Variants in B3GAT1 observed in about 807,000 individuals in gnomAD.
The protein encoded by B3GAT1 is galactosylgalactosylxylosylprotein 3-beta-glucuronosyltransferase 1.
B3GAT1 carries 11 observed loss-of-function variants against 28.4 expected under a neutral mutation model. The ratio of observed to expected loss-of-function variants is 0.39; its 90% CI spans 0.24 to 0.64. The LOEUF (loss-of-function observed/expected upper bound fraction) is 0.64, where lower values mean the gene tolerates loss of function less well. B3GAT1 is among the 30% of genes least tolerant of loss of function. B3GAT1 has a pLI of 0.50. For synonymous variants in B3GAT1, 255 were observed against 223.1 expected, an observed-to-expected ratio of 1.14 and a Z score of -1.27; for missense variants, 375 against 491.0, an observed-to-expected ratio of 0.76 and a Z score of 2.23.
At position 134,412,106 on chromosome 11, in the gene B3GAT1, G is replaced by GGGGGAGCGGGGAGGGGGAGC. The variant is rs1555100163; in HGVS notation, c.-601_-582dup. ...GGAGGCGGGGGGCGGGGGGCGGGGA[G>GGGGGAGCGGGGAGGGGGAGC]GGGGAGCGGGGAGGGGGAGCGGGGA... On this transcript the variant is annotated 5_prime_UTR_variant, in exon 1 of 6. Transcript: ENST00000312527. Among the ~76,000 whole-genome samples, 11 of 138,062 alleles carry GGGGGAGCGGGGAGGGGGAGC rather than the reference G, an allele frequency of 8.0e-5. No individual in the cohort carries two copies. The East Asian group carries it at 1.3e-3, about 16-fold the overall frequency. 90.6% of individuals were successfully genotyped at this position (138,062 alleles called of 152,430 possible). A position where few individuals can be genotyped will look rare whatever the true frequency, so the allele number is the denominator to read the frequency against.
At chr11:134,391,524 C>G (rs892114149) in intron 1 of B3GAT1, 4 of 152,310 alleles carry the variant, frequency 2.6e-5, no homozygotes, top group African/African-American at 7.2e-5. Context: ...TAACAAGGAC[C>G]CCAGAATGGC....
chr11:134,382,658 G>A, intron 4 of B3GAT1, 52 bp downstream of exon 4: 1 of 1,575,148 alleles, frequency 6.3e-7, no homozygotes, highest in Non-Finnish European at 8.7e-7. Context: ...GGGAGGGTCT[G>A]GATGTACTTG....
At chr11:134,383,074 G>C (rs1944173974) in intron 3 of B3GAT1, 68 bp from the exon 4 acceptor site, 13 of 1,456,836 alleles carry the variant, frequency 8.9e-6, no homozygotes, top group Non-Finnish European at 1.1e-5. Context: ...GTGCCCAAGG[G>C]AGGCGACATC....
chr11:134,409,948 G>C (rs537015995), intron 1 of B3GAT1: 4 of 152,644 alleles, frequency 2.6e-5, no homozygotes, highest in African/African-American at 9.7e-5. Context: ...TCAGCCTTTC[G>C]GTTGGTGCAT....
chr11:134,410,888 A>G (rs955245904), intron 1 of B3GAT1, among the ~76,000 whole-genome samples: 6 of 152,206 alleles, frequency 3.9e-5, no homozygotes, highest in African/African-American at 1.4e-4. Flanking sequence ...CACCCCACCT[A>G]TGCAGGTGCC....
At chr11:134,388,676 A>G (rs958610683) in intron 1 of B3GAT1, 3 of 152,188 alleles carry the variant, frequency 2.0e-5, no homozygotes, top group African/African-American at 7.2e-5. Flanking sequence ...CCCAGTGTTT[A>G]GCTCTCACTC....
At chr11:134,394,103 C>T (rs1213924203) in intron 1 of B3GAT1, among the ~76,000 whole-genome samples, 1 of 152,206 alleles carries the variant, frequency 6.6e-6, no homozygotes, top group Admixed American at 6.5e-5. Context: ...AGGACACAGG[C>T]ACTGACCTCA....
At chr11:134,381,883 C>CG (rs1944132108) in intron 5 of B3GAT1, 41 bp downstream of exon 5, 1 of 1,509,406 alleles carries the variant, frequency 6.6e-7, no homozygotes, top group African/African-American at 1.4e-5. Flanking sequence ...AACCTGGTGC[C>CG]GCCCTGCCCA....
rs1944088400 is a variant in B3GAT1 at position 134,380,013 on chromosome 11, T to G, written c.*749A>C. 1.3e-5 allele frequency: 2 copies of G among 152,794 alleles called. No homozygotes were observed. Among genetic ancestry groups the G allele is most frequent in the African/African-American group, 4.8e-5 (2 of 41,432 alleles). The allele number at this position is 152,794 out of a possible 1,614,324, so 9.5% of individuals were successfully genotyped here. ...GTGCTGGCTCTAGAGCCTACCCCTT[T>G]GCCACTGCTGGAGGAGAAGGGGTAA... On this transcript the variant is annotated 3_prime_UTR_variant, in exon 6 of 6. Coordinates refer to ENST00000312527, the MANE Select transcript of B3GAT1 (RefSeq NM_054025.3).
In B3GAT1 at chr11:134,404,831, A is replaced by G. The variant is rs182392484; in HGVS notation, c.-282+6976T>C. Among the ~76,000 whole-genome samples, 211 of 152,356 alleles carry G rather than the reference A, an allele frequency of 1.4e-3. 2 individuals carry two copies. The highest frequency in any genetic ancestry group is 6.1e-3 in the Admixed American group (93 of 15,310). ...TAATATCGACAGGCGATGAGTTAGG[A>G]GAGTAATACTTCAGCTACCACGCAG... On this transcript the variant is annotated intron_variant, in intron 1 of 5. Transcript: ENST00000312527.
chr11:134,391,974 G>A (rs1056399348), intron 1 of B3GAT1: 2 of 152,302 alleles, frequency 1.3e-5, no homozygotes, highest in African/African-American at 4.8e-5. Flanking sequence ...GTGTCCGGCA[G>A]GTGCTCCACG....
chr11:134,401,120 G>T (rs1472756866), intron 1 of B3GAT1, among the ~76,000 whole-genome samples: 1 of 152,196 alleles, frequency 6.6e-6, no homozygotes, highest in African/African-American at 2.4e-5. Context: ...TGGAGAAAAG[G>T]GAACACTCGT....
At chr11:134,400,330 G>T (rs1397668554) in intron 1 of B3GAT1, among the ~76,000 whole-genome samples, 1 of 152,218 alleles carries the variant, frequency 6.6e-6, no homozygotes, top group Non-Finnish European at 1.5e-5. Context: ...CCAGGGCCCA[G>T]AGCCCAACCC....
chr11:134,410,347 A>G (rs1314966706), intron 1 of B3GAT1, among the ~76,000 whole-genome samples: 1 of 152,230 alleles, frequency 6.6e-6, no homozygotes, highest in Non-Finnish European at 1.5e-5. Context: ...AAACAGGAAC[A>G]GCGAGCTCCT....
At chr11:134,401,915 C>A (rs1386992214) in intron 1 of B3GAT1, among the ~76,000 whole-genome samples, 1 of 133,604 alleles carries the variant, frequency 7.5e-6, no homozygotes, top group African/African-American at 2.9e-5. Flanking sequence ...GGCTTGAGCT[C>A]AATGGAAACT....
chr11:134,387,214 C>T, intron 2 of B3GAT1: 2 of 299,668 alleles, frequency 6.7e-6, no homozygotes, highest in South Asian at 6.0e-5. Flanking sequence ...CACTTCCCAC[C>T]TCCCCCTCCC....
At position 134,411,874 on chromosome 11, in the gene B3GAT1, C is replaced by G. The variant is rs1439624875; in HGVS notation, c.-349G>C. ...GGGCAACGGCCCCTACGCCCCGGCC[C>G]CGGCGCCCCTAGACCGCTGCCCTGG... On this transcript the variant is annotated 5_prime_UTR_variant, in exon 1 of 6. Transcript: ENST00000312527. The surrounding 1 kb of genome is among the most constrained non-coding windows in gnomAD (Gnocchi z 6.0). 2.6e-5 allele frequency: 4 copies of G among 151,386 alleles called. No individual in the cohort carries two copies. The highest frequency in any genetic ancestry group is 5.9e-5 in the Non-Finnish European group (4 of 67,840). The allele number at this position is 151,386 out of a possible 1,614,324, so 9.4% of individuals were successfully genotyped here. A position where few individuals can be genotyped will look rare whatever the true frequency, so the allele number is the denominator to read the frequency against.
In B3GAT1 at chr11:134,383,944, C is replaced by T. The variant is rs1944205692; in HGVS notation, c.357G>A (p.Val119=). The T allele has an allele frequency of 1.9e-6, 3 of 1,598,280 alleles. No homozygotes were observed. The highest frequency in any genetic ancestry group is 2.5e-6 in the Non-Finnish European group (3 of 1,177,264). The change falls in exon 3 of 6, where the codon GTG becomes GTA. Residue 119 remains valine (V), a synonymous_variant. Coordinates refer to ENST00000312527, the MANE Select transcript of B3GAT1 (RefSeq NM_054025.3). ...GCGTCCGGCGCGGCGCATCCTCCACCACCAGCCAGTGGAGGTTGGGCACGT... is the reference window on the plus strand; with the variant it reads ...GCGTCCGGCGCGGCGCATCCTCCACTACCAGCCAGTGGAGGTTGGGCACGT... The part of the protein sequence containing the change: ...LLHVPNLHWL[V]VEDAPRRTPL...
chr11:134,399,214 G>A (rs1333358294), intron 1 of B3GAT1, among the ~76,000 whole-genome samples: 1 of 152,178 alleles, frequency 6.6e-6, no homozygotes, highest in African/African-American at 2.4e-5. Context: ...GACAGGTGGG[G>A]TAGAATCAGC....
Sources: gnomAD v4.1 joint callset for allele counts (sites outside exome capture counted in the v4.1 genomes callset) on GRCh38, gnomAD v4.1.1 for gene constraint, Gnocchi (gnomAD v3.1) non-coding constraint, MANE v1.5 for transcripts, NCBI Gene and HGNC (gene_info 2026-07-23, HGNC 2026-07-21) for gene names.